Variants in THSD7B observed in about 807,000 individuals in gnomAD.
THSD7B encodes thrombospondin type 1 domain containing 7B.
Under a neutral mutation model 213.6 loss-of-function variants are expected in THSD7B, and 138 were observed. The ratio of observed to expected loss-of-function variants is 0.65; its 90% CI spans 0.56 to 0.74. The LOEUF (loss-of-function observed/expected upper bound fraction) is 0.74. Ranked by LOEUF, THSD7B falls within the 30% of genes least tolerant of loss-of-function variation. The pLI, the probability that THSD7B is intolerant of heterozygous loss-of-function variation, is 0.00. For synonymous variants in THSD7B, 742 were observed against 687.0 expected, an observed-to-expected ratio of 1.08 and a Z score of -1.25; for missense variants, 1,931 against 1,991.5, an observed-to-expected ratio of 0.97 and a Z score of 0.58.
intron 15 of THSD7B, among the ~76,000 whole-genome samples, chr2:137,534,517 C>A (rs920143250): frequency 1.3e-4 from 19 of 151,644 alleles, no homozygotes; most frequent in Admixed American, 1.2e-3. Flanking sequence ...TTGTATCATT[C>A]AACTTTTCTG....
chr2:137,464,805 C>G (rs1382227948), intron 15 of THSD7B, among the ~76,000 whole-genome samples: 1 of 151,806 alleles, frequency 6.6e-6, no homozygotes, highest in African/African-American at 2.4e-5. Flanking sequence ...CTATGCTATC[C>G]ATGTTGAAAC....
chr2:136,999,608 T>G (rs1685964192), intron 2 of THSD7B, among the ~76,000 whole-genome samples: 2 of 152,102 alleles, frequency 1.3e-5, no homozygotes, highest in Admixed American at 1.3e-4. Flanking sequence ...TAAAAGTCTG[T>G]TTCCCTACCC....
At chr2:137,363,268 C>A (rs1685314040) in intron 12 of THSD7B, among the ~76,000 whole-genome samples, 1 of 152,052 alleles carries the variant, frequency 6.6e-6, no homozygotes, top group African/African-American at 2.4e-5. Context: ...GCACTAAATG[C>A]CCACAAGAGA....
intron 15 of THSD7B, among the ~76,000 whole-genome samples, chr2:137,482,933 T>G (rs1688339969): frequency 6.6e-6 from 1 of 152,126 alleles, no homozygotes; most frequent in Non-Finnish European, 1.5e-5. Context: ...CCCTGGGACA[T>G]AAAAACATTT....
intron 5 of THSD7B, among the ~76,000 whole-genome samples, chr2:137,146,516 T>A (rs1324312295): frequency 6.6e-6 from 1 of 152,124 alleles, no homozygotes. Context: ...CTGGAGATAC[T>A]AGTAGTACTC....
At chr2:137,411,922 G>C (rs764287482) in intron 14 of THSD7B, 50 bp downstream of exon 14, 1 of 1,593,432 alleles carries the variant, frequency 6.3e-7, no homozygotes, top group Non-Finnish European at 8.6e-7. Context: ...CACACAGCTC[G>C]GGAGGTTTGT....
chr2:137,401,348 C>T (rs1158356507), intron 12 of THSD7B, among the ~76,000 whole-genome samples: 2 of 152,082 alleles, frequency 1.3e-5, no homozygotes, highest in Non-Finnish European at 2.9e-5. Context: ...GCTGATTTTC[C>T]AGTCCTGCAG....
chr2:137,178,676 G>A (rs551908063), intron 7 of THSD7B, among the ~76,000 whole-genome samples: 5 of 152,322 alleles, frequency 3.3e-5, no homozygotes, highest in South Asian at 2.1e-4. Context: ...CACATTTGAC[G>A]TGAAGGTGGG....
In THSD7B at chr2:137,655,484, A is replaced by G. The variant is rs374686490; in HGVS notation, c.3946-17A>G. 295 of 1,599,964 alleles carry G rather than the reference A, an allele frequency of 1.8e-4. No individual in the cohort carries two copies. The highest frequency in any genetic ancestry group is 2.5e-4 in the Non-Finnish European group (292 of 1,172,056). On this transcript the variant is annotated splice_polypyrimidine_tract_variant and intron_variant, in intron 21 of 27. Transcript: ENST00000409968. Reference sequence around the variant, plus strand: ...GAATTATTTGGGTAATTGTGAAAGTATCCTTTCCTCTCATAGGGTGGAGAC... The same window carrying G: ...GAATTATTTGGGTAATTGTGAAAGTGTCCTTTCCTCTCATAGGGTGGAGAC...
chr2:137,496,691 G>A (rs534020384), intron 15 of THSD7B, among the ~76,000 whole-genome samples: 49 of 152,250 alleles, frequency 3.2e-4, no homozygotes, highest in Non-Finnish European at 4.1e-4. Flanking sequence ...ATAAACTCTT[G>A]TAATTGGAAG....
intron 14 of THSD7B, among the ~76,000 whole-genome samples, chr2:137,439,236 C>T (rs1356171316): frequency 6.6e-6 from 1 of 152,024 alleles, no homozygotes; most frequent in African/African-American, 2.4e-5. Context: ...TTCTAGAAAA[C>T]TAACAAACCC....
In THSD7B at chr2:137,473,371, G is replaced by A. The variant is rs528249004; in HGVS notation, c.3138+22348G>A. Among the ~76,000 whole-genome samples, 6 of 151,950 alleles carry A rather than the reference G, an allele frequency of 3.9e-5. No individual in the cohort carries two copies. In the South Asian group the frequency reaches 1.2e-3, roughly 32 times the overall value. On this transcript the variant is annotated intron_variant, in intron 15 of 27. Coordinates refer to ENST00000409968, the MANE Select transcript of THSD7B (RefSeq NM_001316349.2). ...CTACAGGCACCCGCCACCACACCTG[G>A]CTAATTTTTTGTATTTTTAGTAGAG...
intron 2 of THSD7B, among the ~76,000 whole-genome samples, chr2:136,986,535 C>T (rs1263612229): frequency 6.6e-6 from 1 of 152,136 alleles, no homozygotes; most frequent in African/African-American, 2.4e-5. Flanking sequence ...ACCAGTTAAA[C>T]CTCTTTTCTT....
chr2:137,482,187 C>A (rs1269076870), intron 15 of THSD7B, among the ~76,000 whole-genome samples: 59 of 132,616 alleles, frequency 4.4e-4, no homozygotes, highest in Non-Finnish European at 4.3e-4. Context: ...CCCTCCCCAC[C>A]AAAAAAAAAA....
chr2:136,976,660 G>T (rs920476196), intron 2 of THSD7B, among the ~76,000 whole-genome samples: 3 of 151,436 alleles, frequency 2.0e-5, no homozygotes, highest in Non-Finnish European at 2.9e-5. Context: ...TTGAGATGGA[G>T]TCTCGCTCTG....
At chr2:137,227,629 A>G (rs1558965761) in intron 7 of THSD7B, among the ~76,000 whole-genome samples, 1 of 152,154 alleles carries the variant, frequency 6.6e-6, no homozygotes, top group Admixed American at 6.6e-5. Flanking sequence ...AATTATACCA[A>G]TGTATATGGG....
chr2:137,401,620 T>G (rs980381561), intron 12 of THSD7B, among the ~76,000 whole-genome samples: 17 of 150,504 alleles, frequency 1.1e-4, no homozygotes, highest in Admixed American at 9.4e-4. Flanking sequence ...AGCTGCTGAG[T>G]TTTTTCTTTC....
chr2:137,316,065 C>T (rs528435800), intron 12 of THSD7B, among the ~76,000 whole-genome samples: 1 of 152,248 alleles, frequency 6.6e-6, no homozygotes, highest in African/African-American at 2.4e-5. Flanking sequence ...GATATCATCA[C>T]AGAATTATTA....
At chr2:137,315,239 C>A (rs375717954) in intron 12 of THSD7B, among the ~76,000 whole-genome samples, 2 of 152,178 alleles carry the variant, frequency 1.3e-5, no homozygotes, top group Non-Finnish European at 2.9e-5. Flanking sequence ...ATCAGAAAAG[C>A]GCAGTATTCG....
Sources: allele counts gnomAD v4.1 joint callset (sites outside exome capture counted in the v4.1 genomes callset), GRCh38; gene constraint gnomAD v4.1.1; transcripts MANE v1.5; gene names NCBI Gene and HGNC (gene_info 2026-07-23, HGNC 2026-07-21).